LETM1: variants seen among roughly 807,000 people sequenced by gnomAD.
The protein encoded by LETM1 is leucine zipper and EF-hand containing transmembrane protein 1, also known as mitochondrial proton/calcium exchanger protein.
A neutral mutation model predicts 74.5 loss-of-function variants in LETM1; 50 were observed. That is an observed-to-expected ratio of 0.67 (90% CI 0.53 to 0.85). The LOEUF is 0.85. Ranked by LOEUF, LETM1 falls within the 40% of genes least tolerant of loss-of-function variation. The pLI, the probability that LETM1 is intolerant of heterozygous loss-of-function variation, is 0.00. For missense variants in LETM1, 824 were observed against 967.8 expected, an observed-to-expected ratio of 0.85 and a Z score of 1.97; for synonymous variants, 446 against 407.1, an observed-to-expected ratio of 1.10 and a Z score of -1.15.
At chr4:1,822,378 A>C in intron 9 of LETM1, 66 bp from the exon 10 acceptor site, 1 of 1,372,142 alleles carries the variant, frequency 7.3e-7, no homozygotes, top group Admixed American at 2.9e-5. Context: ...TTGCTCCCCG[A>C]AGCTCAGAAC....
At chr4:1,849,083 G>C (rs1712981304) in intron 2 of LETM1, 66 bp downstream of exon 2, 1 of 1,083,686 alleles carries the variant, frequency 9.2e-7, no homozygotes, top group Admixed American at 1.7e-5. Flanking sequence ...AGTCACTCGT[G>C]ACTCTCCACC....
At position 1,817,231 on chromosome 4, in the gene LETM1, C is replaced by T. The variant is rs1471689945; in HGVS notation, c.1744-317G>A. Among the ~76,000 whole-genome samples, 4 of 113,250 alleles carry T rather than the reference C, an allele frequency of 3.5e-5. No homozygotes were observed. The East Asian group carries it at 7.9e-4, about 22-fold the overall frequency. The allele number at this position is 113,250 out of a possible 152,430, so 74.3% of individuals were successfully genotyped here. A position where few individuals can be genotyped will look rare whatever the true frequency, so the allele number is the denominator to read the frequency against. On this transcript the variant is annotated intron_variant, in intron 11 of 13. Transcript: ENST00000302787. ...ACGCACTCCAGCCTGGGCAACAGAG[C>T]GAGACTCTGTCTCCAAAAAAAAAAA...
chr4:1,852,739 T>C (rs918709953), intron 1 of LETM1, among the ~76,000 whole-genome samples: 1 of 152,196 alleles, frequency 6.6e-6, no homozygotes, highest in Non-Finnish European at 1.5e-5. Context: ...AGACCCTGTC[T>C]ACAAAAATGT....
rs201689850 is a variant in LETM1, at chr4:1,816,825, C to T, written c.1833G>A (p.Arg611=). 3 of 1,614,118 alleles carry T rather than the reference C, an allele frequency of 1.9e-6. No individual in the cohort carries two copies. In the Admixed American group the frequency reaches 5.0e-5, roughly 27 times the overall value. Residue 611 remains arginine (R), a synonymous_variant, in exon 12 of 14, where the codon AGG becomes AGA. Transcript: ENST00000302787. The stretch of plus-strand genomic sequence containing the variant: ...CGATCTGCCCGATCATTTGCTGCAC[C>T]CTTTTTGTCAATCTCTTGCTGGCTT... The part of the protein sequence containing the change: ...ESKASKRLTK[R]VQQMIGQIDG...
rs1170806993 is a variant in LETM1, at chr4:1,814,129, A to G, written c.*295T>C. On this transcript the variant is annotated 3_prime_UTR_variant, in exon 14 of 14. Transcript: ENST00000302787. ...TCAGATGCTGAGACTGAGGCCACACACATGGGGGCGCCTTCCTGCCTTGGC... is the reference window on the plus strand; with the variant it reads ...TCAGATGCTGAGACTGAGGCCACACGCATGGGGGCGCCTTCCTGCCTTGGC... The G allele has an allele frequency of 7.1e-6, 3 of 425,034 alleles. No homozygotes were observed. Among genetic ancestry groups the G allele is most frequent in the Non-Finnish European group, 1.3e-5 (3 of 228,238 alleles). 26.3% of individuals were successfully genotyped at this position (425,034 alleles called of 1,614,324 possible). A position where few individuals can be genotyped will look rare whatever the true frequency, so the allele number is the denominator to read the frequency against.
At chr4:1,832,721 G>T (rs773786481) in intron 6 of LETM1, 23 bp downstream of exon 6, 1 of 1,607,880 alleles carries the variant, frequency 6.2e-7, no homozygotes, top group Non-Finnish European at 8.5e-7. Context: ...CAGAGCTGTG[G>T]CGCGGAGTAT....
rs1035666435 is a variant in LETM1 at position 1,814,056 on chromosome 4, G to A, written c.*368C>T. 6 of 268,072 alleles carry A rather than the reference G, an allele frequency of 2.2e-5. No homozygotes were observed. Among genetic ancestry groups the A allele is most frequent in the Middle Eastern group, 1.5e-3 (1 of 682 alleles). The allele number at this position is 268,072 out of a possible 1,614,324, so 16.6% of individuals were successfully genotyped here. A position where few individuals can be genotyped will look rare whatever the true frequency, so the allele number is the denominator to read the frequency against. ...GCACAGCAGCCAGCTCTGTGTGGGC[G>A]GAGTCCACGTGGTCCTCATTCTCTT... On this transcript the variant is annotated 3_prime_UTR_variant, in exon 14 of 14. Coordinates refer to ENST00000302787, the MANE Select transcript of LETM1 (RefSeq NM_012318.3).
At chr4:1,848,009 TAA>T (rs910869269) in intron 2 of LETM1, among the ~76,000 whole-genome samples, 1 of 122,932 alleles carries the variant, frequency 8.1e-6, no homozygotes, top group Non-Finnish European at 1.8e-5. Context: ...AAAATAAAAA[TAA>T]AAAAAAAAAA....
At chr4:1,828,823 C>CA (rs1712134892) in intron 6 of LETM1, among the ~76,000 whole-genome samples, 1 of 133,800 alleles carries the variant, frequency 7.5e-6, no homozygotes, top group Non-Finnish European at 1.6e-5. Context: ...TGACCCCCCC[C>CA]ACCTCCCTCC....
Position 1,834,958 on chromosome 4 carries a change from G to A in LETM1, c.763C>T (p.Arg255Trp), listed in dbSNP as rs199968058. The change falls in exon 5 of 14, where the codon CGG becomes TGG. Residue 255 changes from arginine (R) to tryptophan (W), a missense_variant. By Grantham distance (101) the Arg-to-Trp change is moderately radical. Around this residue, in one of 4 missense-constraint regions of LETM1, gnomAD observed 269 missense variants for 348.8 expected, o/e 0.77. Coordinates refer to ENST00000302787, the MANE Select transcript of LETM1 (RefSeq NM_012318.3). The surrounding 1 kb of genome is among the most constrained non-coding windows in gnomAD (Gnocchi z 5.0). ...AACTTGGCCAGCTCCAGCTTGACCCGAAGCTCCTTCTTCAGCCTCTCCTCC... is the reference window on the plus strand; with the variant it reads ...AACTTGGCCAGCTCCAGCTTGACCCAAAGCTCCTTCTTCAGCCTCTCCTCC... The part of the protein sequence containing the change: ...LKEERLKKEL[R>W]VKLELAKFLQ... The A allele has an allele frequency of 2.4e-5, 38 of 1,614,028 alleles. No individual in the cohort carries two copies. The East Asian group carries it at 7.6e-4, about 32-fold the overall frequency.
intron 6 of LETM1, among the ~76,000 whole-genome samples, chr4:1,831,423 G>C (rs1003693084): frequency 6.6e-6 from 1 of 152,228 alleles, no homozygotes; most frequent in African/African-American, 2.4e-5. Context: ...AAGCATCTCA[G>C]TACTGTTTCC....
At chr4:1,833,447 G>A (rs992907786) in intron 5 of LETM1, 7 of 171,974 alleles carry the variant, frequency 4.1e-5, no homozygotes, top group Non-Finnish European at 6.3e-5. Flanking sequence ...GGAGACGCCC[G>A]GGCCCACAGG....
chr4:1,814,601 A>G (rs1437576739), intron 13 of LETM1, 28 bp from the exon 14 acceptor site: 1 of 1,604,544 alleles, frequency 6.2e-7, no homozygotes, highest in South Asian at 1.1e-5. Context: ...GGAGAGGCTC[A>G]GGTGGCTGCG....
intron 12 of LETM1, among the ~76,000 whole-genome samples, chr4:1,816,285 T>C (rs182215604): frequency 3.3e-5 from 5 of 152,332 alleles, no homozygotes; most frequent in Admixed American, 2.6e-4. Context: ...AGCTGTTTCA[T>C]TCGCCCAGAA....
At chr4:1,820,117 G>A (rs1166213968) in intron 10 of LETM1, among the ~76,000 whole-genome samples, 1 of 151,990 alleles carries the variant, frequency 6.6e-6, no homozygotes. Context: ...TTTATTTTTT[G>A]TAAAGACGGC....
Position 1,829,259 on chromosome 4 carries a change from G to A in LETM1, c.1080+3485C>T, listed in dbSNP as rs1437857654. 7.6e-5 allele frequency among the ~76,000 whole-genome samples: 10 copies of A among 131,166 alleles called. No homozygotes were observed. In the South Asian group the frequency reaches 1.1e-3, roughly 15 times the overall value. The allele number at this position is 131,166 out of a possible 152,430, so 86.0% of individuals were successfully genotyped here. Reference sequence around the variant, plus strand: ...TCCCTCCCGGACGGGGCGGCTGGCCGGGCAGAGGGGCTCCTCACTTCCCAG... The same window carrying A: ...TCCCTCCCGGACGGGGCGGCTGGCCAGGCAGAGGGGCTCCTCACTTCCCAG... On this transcript the variant is annotated intron_variant, in intron 6 of 13. Coordinates refer to ENST00000302787, the MANE Select transcript of LETM1 (RefSeq NM_012318.3).
intron 2 of LETM1, among the ~76,000 whole-genome samples, chr4:1,844,452 C>CT (rs1269686079): frequency 6.6e-6 from 1 of 152,224 alleles, no homozygotes; most frequent in South Asian, 2.1e-4. Context: ...AATACTCCAG[C>CT]AGGGCGCAGT....
At chr4:1,849,344 A>C in intron 1 of LETM1, 135 bp from the exon 2 acceptor site, 1 of 646,898 alleles carries the variant, frequency 1.5e-6, no homozygotes, top group Non-Finnish European at 2.9e-6. Context: ...GGCTCACTGC[A>C]ACCTCCACCT....
At chr4:1,817,317 GAGGCCA>G (rs1189495343) in intron 11 of LETM1, among the ~76,000 whole-genome samples, 1 of 150,920 alleles carries the variant, frequency 6.6e-6, no homozygotes, top group African/African-American at 2.4e-5. Context: ...AGAACTTTGG[GAGGCCA>G]AGGCAGGAGG....
Sources: gnomAD v4.1 joint callset for allele counts (sites outside exome capture counted in the v4.1 genomes callset) on GRCh38, gnomAD v4.1.1 for gene constraint, gnomAD v4.1.1 regional missense constraint, Gnocchi (gnomAD v3.1) non-coding constraint, MANE v1.5 for transcripts, NCBI Gene and HGNC (gene_info 2026-07-23, HGNC 2026-07-21) for gene names.